RUBCN: variants seen among roughly 807,000 people sequenced by gnomAD.
The protein encoded by RUBCN is run domain Beclin-1-interacting and cysteine-rich domain-containing protein.
Under a neutral mutation model 113.2 loss-of-function variants are expected in RUBCN, and 74 were observed. That is an observed-to-expected ratio of 0.65 (90% CI 0.54 to 0.79). The LOEUF is 0.79. Ranked by LOEUF, RUBCN falls within the 30% of genes least tolerant of loss-of-function variation. The pLI is 0.00. For missense variants in RUBCN, 1,109 were observed against 1,251.7 expected (o/e 0.89, Z 1.72); for synonymous variants, 480 against 490.0 (o/e 0.98, Z 0.27).
intron 1 of RUBCN, among the ~76,000 whole-genome samples, chr3:197,732,513 CTG>C (rs1727636423): frequency 1.3e-5 from 2 of 152,226 alleles, no homozygotes; most frequent in South Asian, 4.1e-4. Flanking sequence ...CGGGGTTTCA[CTG>C]TGTTAGCCAG....
intron 2 of RUBCN, among the ~76,000 whole-genome samples, chr3:197,708,485 G>T (rs1724574202): frequency 1.3e-5 from 2 of 149,040 alleles, no homozygotes; most frequent in Admixed American, 1.4e-4. Flanking sequence ...GTTAAATTAG[G>T]GTACACTTGT....
chr3:197,704,017 T>TA (rs1395501714), intron 4 of RUBCN, among the ~76,000 whole-genome samples: 1 of 152,200 alleles, frequency 6.6e-6, no homozygotes. Flanking sequence ...TGGCTATTCT[T>TA]ACGGTTTGTG....
rs780057230 is a variant in RUBCN, at chr3:197,704,547, T to C, written c.458A>G (p.Tyr153Cys). 3 of 1,614,148 alleles carry C rather than the reference T, an allele frequency of 1.9e-6. No homozygotes were observed. Among genetic ancestry groups the C allele is most frequent in the Non-Finnish European group, 2.5e-6 (3 of 1,180,004 alleles). ...LGDRQYIRKF[Y>C]TDAAFLLSDA... ...CCTAAGTGGCCTCTACCTACCTGTG[T>C]AGAATTTTCTGATATACTGTCTATC... The change falls in exon 4 of 20, where the codon TAC becomes TGC. Residue 153 changes from tyrosine to cysteine, a missense_variant. Around this residue, in one of 3 missense-constraint regions of RUBCN, gnomAD observed 736 missense variants for 779.6 expected, o/e 0.94. Coordinates refer to ENST00000296343, the MANE Select transcript of RUBCN (RefSeq NM_014687.4).
At chr3:197,703,843 G>A (rs1723981613) in intron 4 of RUBCN, among the ~76,000 whole-genome samples, 189 bp from the exon 5 acceptor site, 1 of 152,182 alleles carries the variant, frequency 6.6e-6, no homozygotes, top group Non-Finnish European at 1.5e-5. Context: ...TTCAACGTCA[G>A]AAAAATCCAG....
Position 197,674,906 on chromosome 3 carries a change from A to AT in RUBCN, c.*111dup, listed in dbSNP as rs946150490. On this transcript the variant is annotated 3_prime_UTR_variant, in exon 20 of 20. Transcript: ENST00000296343. ...AAAAAAAAAAAAAAAGATGATGATA[A>AT]TTAAAAAAAAAAAAAAAAAAAGAAG... 9.0e-6 allele frequency: 8 copies of AT among 884,562 alleles called. No homozygotes were observed. The African/African-American group carries it at 9.3e-5, about 10-fold the overall frequency. 54.8% of individuals were successfully genotyped at this position (884,562 alleles called of 1,614,324 possible). A position where few individuals can be genotyped will look rare whatever the true frequency, so the allele number is the denominator to read the frequency against.
At chr3:197,714,594 T>C (rs1182735659) in intron 2 of RUBCN, among the ~76,000 whole-genome samples, 2 of 152,210 alleles carry the variant, frequency 1.3e-5, no homozygotes, top group Non-Finnish European at 2.9e-5. Context: ...CTTCCCGAAG[T>C]GCTAGAATTA....
chr3:197,747,390 C>CTTT (rs397937984), intron 1 of RUBCN, among the ~76,000 whole-genome samples: 1 of 144,348 alleles, frequency 6.9e-6, no homozygotes. Flanking sequence ...AAAAGAGAAT[C>CTTT]TTTTTTTTTT....
intron 1 of RUBCN, among the ~76,000 whole-genome samples, chr3:197,730,118 T>C (rs1489917161): frequency 6.6e-6 from 1 of 152,228 alleles, no homozygotes; most frequent in African/African-American, 2.4e-5. Context: ...AGAGATTATA[T>C]GGGTCTACAG....
chr3:197,740,549 GC>G (rs1186450650), upstream of RUBCN, among the ~76,000 whole-genome samples: 1 of 152,146 alleles, frequency 6.6e-6, no homozygotes, highest in Non-Finnish European at 1.5e-5. Flanking sequence ...TAATAGTACA[GC>G]ATCAATGTTA....
At position 197,701,788 on chromosome 3, in the gene RUBCN, G is replaced by A. The variant is rs538423591; in HGVS notation, c.647C>T (p.Thr216Ile). 1.2e-6 allele frequency: 2 copies of A among 1,614,030 alleles called. No homozygotes were observed. The highest frequency in any genetic ancestry group is 1.3e-5 in the African/African-American group (1 of 75,052). The change falls in exon 6 of 20, where the codon ACC becomes ATC. Residue 216 changes from threonine to isoleucine, a missense_variant. By Grantham distance (89) the Thr-to-Ile change is moderately conservative (BLOSUM62 -1). This residue lies in a region of RUBCN where 736 missense variants were observed against 779.6 expected (regional missense o/e 0.94). Transcript: ENST00000296343. ...SLTALPSSTY[T>I]PPNSYAQHSY... is the part of the protein sequence containing the mutation. ...ATGCTGAGCATAGCTGTTTGGAGGG[G>A]TGTATGTGGAACTGGGCAGGGCTGT...
At chr3:197,731,303 G>A (rs1046759083) in intron 1 of RUBCN, among the ~76,000 whole-genome samples, 5 of 152,104 alleles carry the variant, frequency 3.3e-5, no homozygotes, top group Non-Finnish European at 7.4e-5. Context: ...GAGAGCACAG[G>A]GTTGGGGGTA....
chr3:197,734,558 C>G (rs1382042589), intron 1 of RUBCN, among the ~76,000 whole-genome samples: 1 of 152,108 alleles, frequency 6.6e-6, no homozygotes. Flanking sequence ...ACAGTAGTAC[C>G]GACCACATAC....
upstream of RUBCN, chr3:197,737,008 G>GC: frequency 8.9e-7 from 1 of 1,126,126 alleles, no homozygotes; most frequent in Non-Finnish European, 1.1e-6. Context: ...CGCAGACCGC[G>GC]CCCCTCCAAC....
chr3:197,741,684 A>G (rs891709849), upstream of RUBCN, among the ~76,000 whole-genome samples: 1 of 151,990 alleles, frequency 6.6e-6, no homozygotes, highest in Non-Finnish European at 1.5e-5. Flanking sequence ...TTCGCCAGGC[A>G]TGGTGGTGGG....
At position 197,681,403 on chromosome 3, in the gene RUBCN, C is replaced by G; in HGVS notation, c.2192-36G>C. ...CGGAAAGCCAGAAAGCCAGATGTAA[C>G]TTTCCCATCTACAAGCTGGGAAGGC... On this transcript the variant is annotated intron_variant, in intron 15 of 19. Coordinates refer to ENST00000296343, the MANE Select transcript of RUBCN (RefSeq NM_014687.4). This position sits in a 1 kb window ranked among gnomAD's most constrained non-coding sequence, Gnocchi z 5.5. 1 of 1,512,158 alleles carries G rather than the reference C, an allele frequency of 6.6e-7. No individual in the cohort carries two copies. Among genetic ancestry groups the G allele is most frequent in the Non-Finnish European group, 9.2e-7 (1 of 1,087,662 alleles). 93.7% of individuals were successfully genotyped at this position (1,512,158 alleles called of 1,614,324 possible).
intron 8 of RUBCN, among the ~76,000 whole-genome samples, chr3:197,696,383 AAAC>A (rs1723004537): frequency 6.6e-6 from 1 of 152,012 alleles, no homozygotes. Flanking sequence ...AAAAAAAAAA[AAAC>A]AAAACAAAAA....
At chr3:197,729,882 A>C (rs1727219951) in intron 1 of RUBCN, among the ~76,000 whole-genome samples, 1 of 152,040 alleles carries the variant, frequency 6.6e-6, no homozygotes, top group African/African-American at 2.4e-5. Flanking sequence ...CCCTGAGTAA[A>C]ATATTATAGT....
At chr3:197,678,157 C>CT (rs67969200) in intron 16 of RUBCN, among the ~76,000 whole-genome samples, 1 of 101,606 alleles carries the variant, frequency 9.8e-6, no homozygotes, top group Non-Finnish European at 1.8e-5. Context: ...GTCCCACACT[C>CT]TGACAGCTGG....
At chr3:197,709,664 G>C (rs1054721982) in intron 2 of RUBCN, among the ~76,000 whole-genome samples, 2 of 152,126 alleles carry the variant, frequency 1.3e-5, no homozygotes, top group Non-Finnish European at 2.9e-5. Context: ...ACAGGGGTGA[G>C]CCACCGCGCC....
Sources: allele counts gnomAD v4.1 joint callset (sites outside exome capture counted in the v4.1 genomes callset), GRCh38; gene constraint gnomAD v4.1.1; regional missense constraint gnomAD v4.1.1; non-coding constraint Gnocchi (gnomAD v3.1); transcripts MANE v1.5; gene names NCBI Gene and HGNC (gene_info 2026-07-23, HGNC 2026-07-21).